MAGI1: variants seen among roughly 807,000 people sequenced by gnomAD.
MAGI1 encodes membrane-associated guanylate kinase, WW and PDZ domain-containing protein 1.
Under a neutral mutation model 139.9 loss-of-function variants are expected in MAGI1, and 58 were observed. That is an observed-to-expected ratio of 0.41 (90% CI 0.34 to 0.52). The LOEUF is 0.52. Among genes scored for constraint, MAGI1 ranks in the 20% least tolerant of loss-of-function variants. MAGI1 has a pLI of 0.12. For synonymous variants in MAGI1, 812 were observed against 737.9 expected, an observed-to-expected ratio of 1.10 and a Z score of -1.63; for missense variants, 1,874 against 1,901.6, an observed-to-expected ratio of 0.99 and a Z score of 0.27.
intron 8 of MAGI1, among the ~76,000 whole-genome samples, chr3:65,440,870 C>T (rs1462738783): frequency 2.0e-5 from 3 of 149,202 alleles, no homozygotes; most frequent in African/African-American, 7.5e-5. Flanking sequence ...TATATGTATA[C>T]ACATATATGT....
chr3:65,880,490 T>C (rs1247157123), intron 1 of MAGI1, among the ~76,000 whole-genome samples: 1 of 152,138 alleles, frequency 6.6e-6, no homozygotes, highest in Non-Finnish European at 1.5e-5. Flanking sequence ...TTGGAAATGG[T>C]ATCACCAAAG....
At chr3:65,925,674 T>G (rs1487207325) in intron 1 of MAGI1, among the ~76,000 whole-genome samples, 1 of 106,284 alleles carries the variant, frequency 9.4e-6, no homozygotes, top group African/African-American at 4.5e-5. Context: ...ACCTTAACCA[T>G]CCTTAATGGA....
chr3:65,857,206 TA>T (rs2059403117), intron 1 of MAGI1, among the ~76,000 whole-genome samples: 1 of 152,168 alleles, frequency 6.6e-6, no homozygotes, highest in African/African-American at 2.4e-5. Context: ...AGCTAATCTT[TA>T]CAAGGACTGG....
chr3:65,677,953 A>C (rs2107498746), intron 1 of MAGI1, among the ~76,000 whole-genome samples: 1 of 152,344 alleles, frequency 6.6e-6, no homozygotes, highest in African/African-American at 2.4e-5. Context: ...CTGGATAAAG[A>C]CAATGTGGCA....
chr3:65,675,676 C>G (rs1053488578), intron 1 of MAGI1, among the ~76,000 whole-genome samples: 1 of 152,192 alleles, frequency 6.6e-6, no homozygotes, highest in South Asian at 2.1e-4. Context: ...CACAGCGGCA[C>G]ATGTACCTCT....
At chr3:65,566,248 T>G (rs2080631624) in intron 2 of MAGI1, among the ~76,000 whole-genome samples, 1 of 149,602 alleles carries the variant, frequency 6.7e-6, no homozygotes, top group South Asian at 2.1e-4. Flanking sequence ...AGCAAGACTC[T>G]GTCTCAAAAA....
intron 1 of MAGI1, among the ~76,000 whole-genome samples, chr3:65,701,029 T>C (rs371307043): frequency 6.6e-6 from 1 of 152,138 alleles, no homozygotes. Context: ...CATTACCAAC[T>C]TGGAAACACA....
chr3:65,951,165 T>C (rs912452958), intron 1 of MAGI1, among the ~76,000 whole-genome samples: 6 of 152,228 alleles, frequency 3.9e-5, no homozygotes, highest in African/African-American at 1.4e-4. Flanking sequence ...ATTCAAAGCA[T>C]CCATTCAATC....
intron 1 of MAGI1, among the ~76,000 whole-genome samples, chr3:65,773,765 T>C (rs1459247035): frequency 6.6e-6 from 1 of 152,250 alleles, no homozygotes; most frequent in African/African-American, 2.4e-5. Flanking sequence ...TTGCTTTCTT[T>C]GTGTCTCAGA....
At chr3:65,619,645 C>G (rs144566584) in intron 2 of MAGI1, among the ~76,000 whole-genome samples, 2 of 152,266 alleles carry the variant, frequency 1.3e-5, no homozygotes, top group African/African-American at 4.8e-5. Context: ...GCACAACAGG[C>G]TGGTGGAGAG....
intron 1 of MAGI1, among the ~76,000 whole-genome samples, chr3:66,036,681 TC>T (rs1277943037): frequency 3.3e-5 from 5 of 152,356 alleles, no homozygotes; most frequent in African/African-American, 9.6e-5. Flanking sequence ...CACGCCTGTT[TC>T]CAAGAGAGGA....
chr3:65,989,984 T>C (rs1159954601), intron 1 of MAGI1, among the ~76,000 whole-genome samples: 1 of 152,140 alleles, frequency 6.6e-6, no homozygotes, highest in Admixed American at 6.6e-5. Flanking sequence ...AAAATATAAA[T>C]AAAACTGGTT....
chr3:65,529,208 T>G (rs1524974), intron 2 of MAGI1, among the ~76,000 whole-genome samples: 53,422 of 151,990 alleles, frequency 0.35, 10,541 homozygotes, highest in East Asian at 0.69. Context: ...CACATTTTGG[T>G]AAAATACACT....
intron 2 of MAGI1, among the ~76,000 whole-genome samples, chr3:65,539,202 C>T (rs1314186982): frequency 6.6e-6 from 1 of 152,108 alleles, no homozygotes; most frequent in Non-Finnish European, 1.5e-5. Flanking sequence ...GTACAAACTA[C>T]CATCAACTGG....
chr3:65,994,412 G>C (rs1229991603), intron 1 of MAGI1, among the ~76,000 whole-genome samples: 3 of 152,050 alleles, frequency 2.0e-5, no homozygotes, highest in Admixed American at 2.0e-4. Context: ...ATGCTTATTA[G>C]TATCTCCCCT....
chr3:65,477,231 C>T (rs1258257796), intron 4 of MAGI1, among the ~76,000 whole-genome samples: 1 of 152,156 alleles, frequency 6.6e-6, no homozygotes, highest in African/African-American at 2.4e-5. Flanking sequence ...AAATTTTAGT[C>T]CTCTGAGCTT....
intron 1 of MAGI1, chr3:65,873,399 C>G (rs1300579790): frequency 6.6e-6 from 1 of 152,178 alleles, no homozygotes; most frequent in Non-Finnish European, 1.5e-5. Flanking sequence ...CTGTGATAAC[C>G]CTCAAAGTTA....
intron 1 of MAGI1, among the ~76,000 whole-genome samples, chr3:65,920,597 T>G (rs1421966607): frequency 1.3e-5 from 2 of 152,218 alleles, no homozygotes; most frequent in Admixed American, 1.3e-4. Context: ...ACAATTAAAT[T>G]TAGCCCATTC....
chr3:65,737,108 C>T lies in MAGI1; in HGVS notation c.314-115020G>A, dbSNP rs147730159. ...CAAGCTCCACCTCCTGGGTTCACACCATTCTCCTGCCTCAGCCTCCTGAGT... is the reference window on the plus strand; with the variant it reads ...CAAGCTCCACCTCCTGGGTTCACACTATTCTCCTGCCTCAGCCTCCTGAGT... On this transcript the variant is annotated intron_variant, in intron 1 of 22. Transcript: ENST00000402939. Among the ~76,000 whole-genome samples the T allele has an allele frequency of 3.1e-4, 47 of 152,174 alleles. No homozygotes were observed. In the East Asian group the frequency reaches 8.7e-3, roughly 28 times the overall value.
Sources: gnomAD v4.1 joint callset for allele counts (sites outside exome capture counted in the v4.1 genomes callset) on GRCh38, gnomAD v4.1.1 for gene constraint, MANE v1.5 for transcripts, NCBI Gene and HGNC (gene_info 2026-07-23, HGNC 2026-07-21) for gene names.